The following DNAH12 variants were observed in gnomAD, a reference collection of about 807,000 sequenced individuals.
The protein encoded by DNAH12 is axonemal beta dynein heavy chain 12.
A neutral mutation model predicts 371.5 loss-of-function variants in DNAH12; 285 were observed. That is an observed-to-expected ratio of 0.77 (90% CI 0.70 to 0.85). DNAH12 has a LOEUF of 0.85. Ranked by LOEUF, DNAH12 falls within the 40% of genes least tolerant of loss-of-function variation. The probability of loss-of-function intolerance (pLI) is 0.00; values close to 1 mark genes in which losing one functional copy is unlikely to be tolerated. For synonymous variants in DNAH12, 1,200 were observed against 1,213.0 expected, an observed-to-expected ratio of 0.99 and a Z score of 0.22; for missense variants, 3,611 against 3,689.4, an observed-to-expected ratio of 0.98 and a Z score of 0.55.
intron 73 of DNAH12, among the ~76,000 whole-genome samples, chr3:57,295,270 TG>T (rs1431275767): frequency 1.3e-5 from 2 of 151,990 alleles, no homozygotes; most frequent in East Asian, 3.9e-4. Context: ...CTTGTAGAAG[TG>T]GGGGGAGGGG....
At chr3:57,555,388 T>TA in the DNAH12 span, among the ~76,000 whole-genome samples, 1 of 152,202 alleles carries the variant, frequency 6.6e-6, no homozygotes, top group Non-Finnish European at 1.5e-5. Context: ...TCCTATTTAC[T>TA]AACTAAAAAT....
In DNAH12 at chr3:57,427,138, A is replaced by ATGTGATGTGTG. The variant is rs564544771; in HGVS notation, c.5253+1494_5253+1495insCACACATCACA. On this transcript the variant is annotated intron_variant, in intron 34 of 73. Coordinates refer to ENST00000495027, the MANE Select transcript of DNAH12 (RefSeq NM_001366028.2). ...ATATTTATTTATATGTAAGAAGCGA[A>ATGTGATGTGTG]TGTGTGTGTGTGTGTGTGTGTGTGT... Among the ~76,000 whole-genome samples, 503 of 138,864 alleles carry ATGTGATGTGTG rather than the reference A, an allele frequency of 3.6e-3. 3 individuals are homozygous for ATGTGATGTGTG. Among genetic ancestry groups the ATGTGATGTGTG allele is most frequent in the African/African-American group, 0.012 (429 of 36,020 alleles). 91.1% of individuals were successfully genotyped at this position (138,864 alleles called of 152,430 possible). A position where few individuals can be genotyped will look rare whatever the true frequency, so the allele number is the denominator to read the frequency against.
chr3:57,338,263 C>T (rs1005367911), intron 60 of DNAH12, among the ~76,000 whole-genome samples: 6 of 152,240 alleles, frequency 3.9e-5, no homozygotes, highest in South Asian at 4.1e-4. Flanking sequence ...CTGCCCGCCT[C>T]GGCCTCCCGA....
intron 12 of DNAH12, among the ~76,000 whole-genome samples, chr3:57,485,151 T>C (rs2066881004): frequency 6.6e-6 from 1 of 152,118 alleles, no homozygotes; most frequent in Admixed American, 6.5e-5. Context: ...AAAATAGAAC[T>C]ACCATTCAAT....
chr3:57,399,005 C>G (rs1430653100), intron 43 of DNAH12, among the ~76,000 whole-genome samples: 3 of 151,976 alleles, frequency 2.0e-5, no homozygotes, highest in African/African-American at 7.2e-5. Context: ...TATAAAGATA[C>G]AATTTGTGAC....
chr3:57,387,722 G>C (rs2063525505), intron 45 of DNAH12, among the ~76,000 whole-genome samples: 1 of 152,158 alleles, frequency 6.6e-6, no homozygotes, highest in African/African-American at 2.4e-5. Flanking sequence ...AGACTTTTTA[G>C]AGAGTTACAT....
intron 4 of DNAH12, among the ~76,000 whole-genome samples, chr3:57,521,822 G>A (rs1005678074): frequency 1.5e-4 from 23 of 152,256 alleles, no homozygotes; most frequent in Non-Finnish European, 2.9e-4. Context: ...GGGAGACAGA[G>A]GTAGCAGTGA....
chr3:57,388,428 TG>T (rs1276230613), intron 45 of DNAH12, among the ~76,000 whole-genome samples: 3 of 152,150 alleles, frequency 2.0e-5, no homozygotes, highest in Admixed American at 1.3e-4. Flanking sequence ...TTTTTTCCTT[TG>T]TGGCAGACAA....
At chr3:57,376,840 A>C (rs2063292006) in intron 53 of DNAH12, 141 bp downstream of exon 53, 1 of 152,180 alleles carries the variant, frequency 6.6e-6, no homozygotes, top group African/African-American at 2.4e-5. Context: ...TTGTTTGGAG[A>C]AGCCTGGCCA....
intron 72 of DNAH12, 92 bp from the exon 73 acceptor site, chr3:57,295,684 G>A: frequency 9.4e-7 from 1 of 1,064,912 alleles, no homozygotes; most frequent in Non-Finnish European, 1.3e-6. Context: ...TTTACTAAAA[G>A]AAAGGACTAG....
Position 57,444,747 on chromosome 3 carries a change from T to C in DNAH12, c.4495A>G (p.Ile1499Val), listed in dbSNP as rs761116169. The change falls in exon 29 of 74, where the codon ATA becomes GTA. Residue 1499 changes from isoleucine (I) to valine (V), a missense_variant. Ile to Val is a conservative substitution (Grantham distance 29). Around this residue, in one of 3 missense-constraint regions of DNAH12, gnomAD observed 2,266 missense variants for 2,236.9 expected, o/e 1.01. Transcript: ENST00000495027. ...LSHDIPLFNG[I>V]TSDLFPGIKL... ...ATACCAGGAAATAAGTCACTAGTTATTCCATTAAATAAAGGTATATCATGT... is the reference window on the plus strand; with the variant it reads ...ATACCAGGAAATAAGTCACTAGTTACTCCATTAAATAAAGGTATATCATGT... The C allele has an allele frequency of 1.9e-5, 29 of 1,550,232 alleles. No individual in the cohort carries two copies. The South Asian group carries it at 3.5e-4, about 19-fold the overall frequency.
At chr3:57,356,550 A>T (rs1449544911) in intron 59 of DNAH12, among the ~76,000 whole-genome samples, 2 of 151,860 alleles carry the variant, frequency 1.3e-5, no homozygotes, top group Non-Finnish European at 2.9e-5. Flanking sequence ...TTGGAGAAAG[A>T]TGCGCTAGAG....
intron 40 of DNAH12, 82 bp from the exon 41 acceptor site, chr3:57,406,034 ATATTT>A: frequency 7.3e-7 from 1 of 1,361,390 alleles, no homozygotes; most frequent in Non-Finnish European, 9.9e-7. Flanking sequence ...GTTATACAAA[ATATTT>A]TATTTACTCT....
intron 60 of DNAH12, among the ~76,000 whole-genome samples, chr3:57,348,988 T>G (rs2062609145): frequency 6.6e-6 from 1 of 151,802 alleles, no homozygotes. Flanking sequence ...GGGACTTAAT[T>G]AAACTAAAAA....
chr3:57,541,035 CT>C lies in DNAH12; in HGVS notation c.170+1665del, dbSNP rs1467190200. On this transcript the variant is annotated intron_variant, in intron 2 of 73. Coordinates refer to ENST00000495027, the MANE Select transcript of DNAH12 (RefSeq NM_001366028.2). ...TTAGGAATGAAGGAGGAATGCATCT[CT>C]CCCCCTCCCTTTTATTTTTTTGAGA... 7.3e-5 allele frequency among the ~76,000 whole-genome samples: 11 copies of C among 151,714 alleles called. No individual in the cohort carries two copies. In the East Asian group the frequency reaches 2.1e-3, roughly 29 times the overall value.
rs147234405 is a variant in DNAH12, at chr3:57,323,967, C to A, written c.9979-348G>T. Among the ~76,000 whole-genome samples, 69 of 152,302 alleles carry A rather than the reference C, an allele frequency of 4.5e-4. No individual in the cohort carries two copies. The East Asian group carries it at 0.01, about 23-fold the overall frequency. On this transcript the variant is annotated intron_variant, in intron 62 of 73. Transcript: ENST00000495027. ...GTATTAGAACCCCAAGTTTTCCTGGCATTTCTTGCAGGTAATGTGGCCATG... is the reference window on the plus strand; with the variant it reads ...GTATTAGAACCCCAAGTTTTCCTGGAATTTCTTGCAGGTAATGTGGCCATG...
In DNAH12 at chr3:57,323,183, G is replaced by A. The variant is rs1331287158; in HGVS notation, c.10207C>T (p.Pro3403Ser). ...QAISLGQGQGPIAAKMIKAAI... is the reference protein window; with the variant it reads ...QAISLGQGQGSIAAKMIKAAI... Reference sequence around the variant, plus strand: ...GCTTTAATCATTTTTGCTGCAATCGGTCCTTGTCCCTGTCCCAGTGAAATA... The same window carrying A: ...GCTTTAATCATTTTTGCTGCAATCGATCCTTGTCCCTGTCCCAGTGAAATA... The change falls in exon 64 of 74, where the codon CCG becomes TCG. Residue 3403 changes from proline to serine, a missense_variant. Around this residue, in one of 3 missense-constraint regions of DNAH12, gnomAD observed 2,266 missense variants for 2,236.9 expected, o/e 1.01. Coordinates refer to ENST00000495027, the MANE Select transcript of DNAH12 (RefSeq NM_001366028.2). The A allele has an allele frequency of 2.6e-6, 4 of 1,552,316 alleles. No homozygotes were observed. Among genetic ancestry groups the A allele is most frequent in the African/African-American group, 1.4e-5 (1 of 73,146 alleles).
intron 40 of DNAH12, 147 bp downstream of exon 40, chr3:57,408,133 C>T: frequency 1.1e-6 from 1 of 908,132 alleles, no homozygotes; most frequent in Non-Finnish European, 1.5e-6. Flanking sequence ...TCCCTCATTT[C>T]AAATCCTGTG....
At chr3:57,306,536 G>T (rs960412203) in intron 69 of DNAH12, among the ~76,000 whole-genome samples, 2 of 151,726 alleles carry the variant, frequency 1.3e-5, no homozygotes, top group South Asian at 4.2e-4. Context: ...TTCAAAGCCT[G>T]CTTCACATCC....
Sources: gnomAD v4.1 joint callset for allele counts (sites outside exome capture counted in the v4.1 genomes callset) on GRCh38, gnomAD v4.1.1 for gene constraint, gnomAD v4.1.1 regional missense constraint, MANE v1.5 for transcripts, NCBI Gene and HGNC (gene_info 2026-07-23, HGNC 2026-07-21) for gene names.